Variants in LRP2 observed in about 807,000 individuals in gnomAD.
The protein encoded by LRP2 is low-density lipoprotein receptor-related protein 2.
LRP2 carries 172 observed loss-of-function variants against 531.0 expected under a neutral mutation model. That is an observed-to-expected ratio of 0.32 (90% CI 0.29 to 0.37). The LOEUF (loss-of-function observed/expected upper bound fraction) is 0.37, where lower values mean the gene tolerates loss of function less well. Ranked by LOEUF, LRP2 falls within the 10% of genes least tolerant of loss-of-function variation. The pLI, the probability that LRP2 is intolerant of heterozygous loss-of-function variation, is 1.00. For synonymous variants in LRP2, 1,992 were observed against 2,027.6 expected, an observed-to-expected ratio of 0.98 and a Z score of 0.47; for missense variants, 5,167 against 5,868.3, an observed-to-expected ratio of 0.88 and a Z score of 3.90.
intron 33 of LRP2, among the ~76,000 whole-genome samples, chr2:169,223,548 A>G (rs962483429): frequency 6.6e-6 from 1 of 152,154 alleles, no homozygotes. Context: ...GTCTTAGTTG[A>G]AATCATGAAA....
chr2:169,182,239 T>C lies in LRP2; in HGVS notation c.9926A>G (p.Gln3309Arg). 1 of 1,614,164 alleles carries C rather than the reference T, an allele frequency of 6.2e-7. No individual in the cohort carries two copies. Among genetic ancestry groups the C allele is most frequent in the Non-Finnish European group, 8.5e-7 (1 of 1,180,006 alleles). ...LNGGHRRMLA[Q>R]HCVDANNTFC... ...GGTGTTGTTGGCATCCACACAGTGC[T>C]GGGCCAGCATGCGGCGGTGTCCACC... Residue 3309 changes from glutamine to arginine, a missense_variant, in exon 51 of 79, where the codon CAG (glutamine) becomes CGG (arginine). By Grantham distance (43) the Gln-to-Arg change is conservative (BLOSUM62 1). Coordinates refer to ENST00000649046, the MANE Select transcript of LRP2 (RefSeq NM_004525.3).
At chr2:169,349,448 G>T (rs1312279709) in intron 1 of LRP2, among the ~76,000 whole-genome samples, 1 of 152,060 alleles carries the variant, frequency 6.6e-6, no homozygotes, top group African/African-American at 2.4e-5. Flanking sequence ...AGGAAATGAG[G>T]TCAGGGAGGT....
intron 52 of LRP2, among the ~76,000 whole-genome samples, chr2:169,179,116 C>G (rs1464752958): frequency 2.0e-5 from 3 of 151,948 alleles, no homozygotes; most frequent in Non-Finnish European, 4.4e-5. Context: ...TTCAAGTGAT[C>G]CTCCCACCTC....
rs886447051 is a variant in LRP2, at chr2:169,138,466, G to A, written c.13518+111C>T. ...ACTTGTGTAGTGCAGACCTTATTCT[G>A]AGAGGCCTAATACTGTATTTCAGTC... On this transcript the variant is annotated intron_variant, in intron 75 of 78. Transcript: ENST00000649046. 5.1e-6 allele frequency: 6 copies of A among 1,187,966 alleles called. No individual in the cohort carries two copies. In the African/African-American group the frequency reaches 7.6e-5, roughly 15 times the overall value. 73.6% of individuals were successfully genotyped at this position (1,187,966 alleles called of 1,614,324 possible).
chr2:169,328,297 GC>G (rs1471322291), intron 1 of LRP2, among the ~76,000 whole-genome samples: 1 of 129,120 alleles, frequency 7.7e-6, no homozygotes, highest in African/African-American at 2.7e-5. Flanking sequence ...GGGGGGGTCA[GC>G]CCCCCGCCCG....
intron 72 of LRP2, 163 bp from the exon 73 acceptor site, chr2:169,139,773 A>G (rs1367583889): frequency 1.7e-5 from 12 of 713,710 alleles, no homozygotes; most frequent in Non-Finnish European, 2.8e-5. Context: ...AAGAGAAGAC[A>G]AGCAGAAAGA....
rs766916864 is a variant in LRP2 at position 169,146,963 on chromosome 2, T to A, written c.12591-4A>T. On this transcript the variant is annotated splice_polypyrimidine_tract_variant and splice_region_variant and intron_variant, in intron 68 of 78. Transcript: ENST00000649046. ...CCAGTCAGTCCAGAACATAAGCCTATAACAGAAGATTTCTTCACTGTAGCA... is the reference window on the plus strand; with the variant it reads ...CCAGTCAGTCCAGAACATAAGCCTAAAACAGAAGATTTCTTCACTGTAGCA... The A allele has an allele frequency of 1.2e-6, 2 of 1,601,404 alleles. No individual in the cohort carries two copies. The highest frequency in any genetic ancestry group is 1.7e-5 in the Admixed American group (1 of 59,104).
chr2:169,128,767 T>G lies in LRP2; in HGVS notation c.13864A>C (p.Lys4622Gln). The G allele has an allele frequency of 4.3e-6, 7 of 1,614,158 alleles. No individual in the cohort carries two copies. Among genetic ancestry groups the G allele is most frequent in the Non-Finnish European group, 4.2e-6 (5 of 1,180,014 alleles). Reference sequence around the variant, plus strand: ...TCTCTTCTCGAAGGAGGCTTAGGCTTAGCAGGGAGCGAAGGTGATGGAGGT... The same window carrying G: ...TCTCTTCTCGAAGGAGGCTTAGGCTGAGCAGGGAGCGAAGGTGATGGAGGT... Reference protein sequence around the residue: ...TPPPSPSLPAKPKPPSRRDPT... With the variant: ...TPPPSPSLPAQPKPPSRRDPT... Residue 4622 changes from lysine to glutamine, a missense_variant, in exon 79 of 79, where the codon AAG becomes CAG. Coordinates refer to ENST00000649046, the MANE Select transcript of LRP2 (RefSeq NM_004525.3).
At chr2:169,162,419 A>T in intron 63 of LRP2, 53 bp downstream of exon 63, 1 of 1,604,124 alleles carries the variant, frequency 6.2e-7, no homozygotes, top group East Asian at 2.2e-5. Context: ...GCATGTTTTA[A>T]TTAGGTAAAC....
At chr2:169,302,477 C>T (rs989952471) in intron 4 of LRP2, among the ~76,000 whole-genome samples, 1 of 152,046 alleles carries the variant, frequency 6.6e-6, no homozygotes, top group Non-Finnish European at 1.5e-5. Flanking sequence ...CATTTGACAA[C>T]GTCCAGAGAC....
At chr2:169,338,106 G>C (rs1249271364) in intron 1 of LRP2, among the ~76,000 whole-genome samples, 1 of 150,844 alleles carries the variant, frequency 6.6e-6, no homozygotes, top group African/African-American at 2.4e-5. Flanking sequence ...AGCAAACCCA[G>C]AGCAAAAGAA....
Position 169,137,451 on chromosome 2 carries a change from ATAT to A in LRP2, c.13558_13560del (p.Ile4520del). ...CTGGCTGAGTACATTGGGTTTTCAA[ATAT>A]TATGGGCTGCTTCCCCATTTCCATG... On this transcript the variant is annotated inframe_deletion, in exon 76 of 79. Coordinates refer to ENST00000649046, the MANE Select transcript of LRP2 (RefSeq NM_004525.3). 6.2e-7 allele frequency: 1 copy of A among 1,614,100 alleles called. No homozygotes were observed. The highest frequency in any genetic ancestry group is 8.5e-7 in the Non-Finnish European group (1 of 1,179,954).
At chr2:169,282,476 C>A (rs1160342996) in intron 10 of LRP2, among the ~76,000 whole-genome samples, 3 of 152,160 alleles carry the variant, frequency 2.0e-5, no homozygotes, top group Non-Finnish European at 4.4e-5. Context: ...CTAAATTTTG[C>A]AAGAACACTG....
intron 1 of LRP2, among the ~76,000 whole-genome samples, chr2:169,332,063 T>A (rs192261445): frequency 8.1e-4 from 124 of 152,352 alleles, no homozygotes; most frequent in African/African-American, 2.9e-3. Flanking sequence ...CAAACTGACA[T>A]GGATATGTTA....
chr2:169,282,608 A>T (rs939653625), intron 10 of LRP2, among the ~76,000 whole-genome samples: 4 of 152,252 alleles, frequency 2.6e-5, no homozygotes, highest in African/African-American at 9.6e-5. Flanking sequence ...GGTGGGTGAC[A>T]TGATAGCCTA....
intron 1 of LRP2, among the ~76,000 whole-genome samples, chr2:169,353,848 GT>G (rs1685920648): frequency 6.6e-6 from 1 of 152,084 alleles, no homozygotes. Flanking sequence ...AAAATTAACT[GT>G]GAGTGCTGGT....
At chr2:169,259,495 C>T (rs1690453871) in intron 16 of LRP2, among the ~76,000 whole-genome samples, 1 of 151,988 alleles carries the variant, frequency 6.6e-6, no homozygotes, top group African/African-American at 2.4e-5. Context: ...GATTTACTCC[C>T]ATGTCCAACC....
At position 169,207,247 on chromosome 2, in the gene LRP2, T is replaced by G. The variant is rs34052957; in HGVS notation, c.6473A>C (p.Asn2158Thr). 3.2e-4 allele frequency: 523 copies of G among 1,612,820 alleles called. 2 individuals carry two copies. In the African/African-American group the frequency reaches 4.6e-3, roughly 14 times the overall value. The change falls in exon 39 of 79, where the codon AAT becomes ACT. Residue 2158 changes from asparagine (N) to threonine (T), a missense_variant. Asn to Thr is a moderately conservative substitution (Grantham distance 65, BLOSUM62 0). Transcript: ENST00000649046. ...RGIAVDWVAG[N>T]LYFTNAFVSE... ...AACAAAGGCATTGGTGAAATAAAGA[T>G]TTCCTATGGGAAAAATGAAAGTGCA...
At chr2:169,203,071 C>G in intron 42 of LRP2, 112 bp from the exon 43 acceptor site, 1 of 860,792 alleles carries the variant, frequency 1.2e-6, no homozygotes. Flanking sequence ...CCCTAAGAAG[C>G]GCCATGGAAG....
Sources: gnomAD v4.1 joint callset for allele counts (sites outside exome capture counted in the v4.1 genomes callset) on GRCh38, gnomAD v4.1.1 for gene constraint, MANE v1.5 for transcripts, NCBI Gene and HGNC (gene_info 2026-07-23, HGNC 2026-07-21) for gene names.